COL14A1: variants seen among roughly 807,000 people sequenced by gnomAD.
COL14A1 encodes collagen alpha-1(XIV) chain.
A neutral mutation model predicts 230.3 loss-of-function variants in COL14A1; 136 were observed. That is an observed-to-expected ratio of 0.59 (90% CI 0.51 to 0.68). The LOEUF (loss-of-function observed/expected upper bound fraction) is 0.68. Ranked by LOEUF, COL14A1 falls within the 30% of genes least tolerant of loss-of-function variation. COL14A1 has a pLI of 0.00. For synonymous variants in COL14A1, 792 were observed against 784.1 expected, an observed-to-expected ratio of 1.01 and a Z score of -0.17; for missense variants, 1,976 against 2,215.8, an observed-to-expected ratio of 0.89 and a Z score of 2.17.
intron 1 of COL14A1, among the ~76,000 whole-genome samples, chr8:120,132,988 C>T (rs1158038080): frequency 1.3e-5 from 2 of 152,060 alleles, no homozygotes; most frequent in African/African-American, 2.4e-5. Flanking sequence ...GAGGCCGAGA[C>T]GGGCGGATCA....
intron 40 of COL14A1, among the ~76,000 whole-genome samples, chr8:120,326,154 G>A (rs1285807988): frequency 1.3e-5 from 2 of 152,194 alleles, no homozygotes; most frequent in Non-Finnish European, 2.9e-5. Flanking sequence ...CCCAGTGAGA[G>A]CTGTAACATG....
At chr8:120,365,479 G>A (rs906306710) in intron 45 of COL14A1, among the ~76,000 whole-genome samples, 1 of 152,184 alleles carries the variant, frequency 6.6e-6, no homozygotes, top group Non-Finnish European at 1.5e-5. Context: ...ATTCCCGGAT[G>A]CACATTGGGG....
chr8:120,235,717 G>A (rs566127793), intron 19 of COL14A1, among the ~76,000 whole-genome samples: 2 of 152,098 alleles, frequency 1.3e-5, no homozygotes, highest in South Asian at 2.1e-4. Context: ...TTAGGATGTC[G>A]ATTTTGGATC....
At chr8:120,185,704 A>C (rs770298677) in intron 5 of COL14A1, among the ~76,000 whole-genome samples, 14 of 152,140 alleles carry the variant, frequency 9.2e-5, no homozygotes, top group Non-Finnish European at 1.8e-4. Context: ...GCTGTTATCC[A>C]GTCCTAGCTC....
intron 5 of COL14A1, among the ~76,000 whole-genome samples, chr8:120,178,614 A>G (rs1175056377): frequency 6.6e-6 from 1 of 152,178 alleles, no homozygotes; most frequent in Non-Finnish European, 1.5e-5. Context: ...GCTGGGTCAA[A>G]TGGTATTTCT....
intron 36 of COL14A1, among the ~76,000 whole-genome samples, chr8:120,308,893 G>A (rs1284013876): frequency 1.3e-5 from 2 of 152,060 alleles, no homozygotes; most frequent in South Asian, 2.1e-4. Context: ...CCTTTTTATC[G>A]AAGAGCGAAC....
intron 34 of COL14A1, among the ~76,000 whole-genome samples, chr8:120,294,676 C>A (rs1329664698): frequency 6.6e-6 from 1 of 151,258 alleles, no homozygotes; most frequent in Non-Finnish European, 1.5e-5. Context: ...AAGCCAAAGG[C>A]TTTTTTTCTC....
intron 40 of COL14A1, among the ~76,000 whole-genome samples, chr8:120,324,977 C>T (rs1031811022): frequency 6.6e-6 from 1 of 151,750 alleles, no homozygotes; most frequent in African/African-American, 2.4e-5. Flanking sequence ...TGAAAAAAAG[C>T]ACATACATTT....
Position 120,278,574 on chromosome 8 carries a change from A to G in COL14A1, c.3477A>G (p.Leu1159=), listed in dbSNP as rs752872865. 1 of 1,611,892 alleles carries G rather than the reference A, an allele frequency of 6.2e-7. No homozygotes were observed. The highest frequency in any genetic ancestry group is 2.2e-5 in the East Asian group (1 of 44,784). ...DVNKISREMQ[L]DGYSIFAIGV... Reference sequence around the variant, plus strand: ...ACAAAATCTCCAGGGAGATGCAATTAGATGGTAAGATATATAAACAATAGT... The same window carrying G: ...ACAAAATCTCCAGGGAGATGCAATTGGATGGTAAGATATATAAACAATAGT... Residue 1159 remains leucine (L), a synonymous_variant, in exon 28 of 48, where the codon TTA becomes TTG. Coordinates refer to ENST00000297848, the MANE Select transcript of COL14A1 (RefSeq NM_021110.4).
intron 38 of COL14A1, among the ~76,000 whole-genome samples, chr8:120,315,167 T>C (rs190966616): frequency 7.0e-4 from 106 of 152,060 alleles, no homozygotes; most frequent in Non-Finnish European, 1.2e-3. Context: ...GTCAGGAGCT[T>C]GAGACTAGCC....
At chr8:120,272,930 C>T (rs888761473) in intron 26 of COL14A1, among the ~76,000 whole-genome samples, 3 of 151,732 alleles carry the variant, frequency 2.0e-5, no homozygotes, top group African/African-American at 7.3e-5. Context: ...AAACTACACT[C>T]TAGAACAAAT....
At chr8:120,368,584 A>C (rs1321760248) in intron 46 of COL14A1, among the ~76,000 whole-genome samples, 1 of 144,452 alleles carries the variant, frequency 6.9e-6, no homozygotes, top group African/African-American at 2.7e-5. Flanking sequence ...TGGAACCCGG[A>C]CCTAAAAACA....
At chr8:120,309,091 C>A (rs184935089) in intron 36 of COL14A1, among the ~76,000 whole-genome samples, 2 of 152,254 alleles carry the variant, frequency 1.3e-5, no homozygotes, top group Admixed American at 1.3e-4. Flanking sequence ...CCCGCCACCA[C>A]GCCCGGCTAA....
chr8:120,211,118 T>A (rs116710906), intron 12 of COL14A1, among the ~76,000 whole-genome samples: 1 of 152,184 alleles, frequency 6.6e-6, no homozygotes, highest in African/African-American at 2.4e-5. Flanking sequence ...CTTTGGAGGA[T>A]ATTTTGAAAT....
At chr8:120,370,812 C>T in intron 47 of COL14A1, 2 of 1,367,742 alleles carry the variant, frequency 1.5e-6, no homozygotes, top group Non-Finnish European at 1.9e-6. Context: ...CTGCTCTTCC[C>T]TGGTGATGGA....
At chr8:120,206,245 G>A (rs1817426391) in intron 9 of COL14A1, among the ~76,000 whole-genome samples, 1 of 152,158 alleles carries the variant, frequency 6.6e-6, no homozygotes, top group African/African-American at 2.4e-5. Context: ...TATATGAAGT[G>A]TGAACAGTAA....
intron 24 of COL14A1, among the ~76,000 whole-genome samples, chr8:120,265,091 C>T (rs971957721): frequency 6.6e-6 from 1 of 152,084 alleles, no homozygotes; most frequent in African/African-American, 2.4e-5. Context: ...GACAGCCCCT[C>T]ACATCCTTGA....
intron 11 of COL14A1, 85 bp from the exon 12 acceptor site, chr8:120,209,671 T>C (rs1817560208): frequency 1.5e-6 from 2 of 1,348,844 alleles, no homozygotes; most frequent in African/African-American, 2.9e-5. Flanking sequence ...CCCTCAAATA[T>C]GGTCAATCTT....
At chr8:120,172,673 G>A (rs1381149792) in intron 5 of COL14A1, among the ~76,000 whole-genome samples, 1 of 152,102 alleles carries the variant, frequency 6.6e-6, no homozygotes, top group Non-Finnish European at 1.5e-5. Context: ...AAATTCACAG[G>A]ACAGACAGTT....
Sources: gnomAD v4.1 joint callset for allele counts (sites outside exome capture counted in the v4.1 genomes callset) on GRCh38, gnomAD v4.1.1 for gene constraint, MANE v1.5 for transcripts, NCBI Gene and HGNC (gene_info 2026-07-23, HGNC 2026-07-21) for gene names.